The following ZEB1 variants were observed in gnomAD, a reference collection of about 807,000 sequenced individuals.
ZEB1 encodes the protein zinc finger E-box-binding homeobox 1.
Under a neutral mutation model 84.9 loss-of-function variants are expected in ZEB1, and 21 were observed. The ratio of observed to expected loss-of-function variants is 0.25; its 90% CI spans 0.18 to 0.36. The LOEUF (loss-of-function observed/expected upper bound fraction) is 0.36, where lower values mean the gene tolerates loss of function less well. Ranked by LOEUF, ZEB1 falls within the 10% of genes least tolerant of loss-of-function variation. The pLI is 1.00. For synonymous variants in ZEB1, 420 were observed against 471.1 expected, an observed-to-expected ratio of 0.89 and a Z score of 1.41; for missense variants, 1,104 against 1,330.2, an observed-to-expected ratio of 0.83 and a Z score of 2.65.
At chr10:31,471,343 G>A (rs1354253114) in intron 2 of ZEB1, among the ~76,000 whole-genome samples, 49 of 143,220 alleles carry the variant, frequency 3.4e-4, no homozygotes, top group African/African-American at 1.2e-3. Context: ...GACACACATA[G>A]GCTCAAAATA....
chr10:31,464,822 A>C (rs1239070239), intron 2 of ZEB1, among the ~76,000 whole-genome samples: 1 of 152,218 alleles, frequency 6.6e-6, no homozygotes. Flanking sequence ...TCCCAAAAAC[A>C]AAAGCTGAGG....
intron 2 of ZEB1, among the ~76,000 whole-genome samples, chr10:31,478,561 C>T (rs1307005975): frequency 1.3e-5 from 2 of 151,828 alleles, no homozygotes; most frequent in African/African-American, 4.8e-5. Flanking sequence ...GTATGTTTAT[C>T]GCAGAACTAC....
At chr10:31,335,541 T>A (rs1257707414) in intron 1 of ZEB1, among the ~76,000 whole-genome samples, 1 of 152,172 alleles carries the variant, frequency 6.6e-6, no homozygotes, top group African/African-American at 2.4e-5. Context: ...AGGAAAAGAA[T>A]CATGTGAGCA....
chr10:31,365,701 T>C (rs1392955245), intron 1 of ZEB1, among the ~76,000 whole-genome samples: 1 of 152,338 alleles, frequency 6.6e-6, no homozygotes, highest in East Asian at 1.9e-4. Flanking sequence ...AGAAGATCCA[T>C]ATGTGTAATA....
At chr10:31,412,157 CATATA>C (rs1163416380) in intron 1 of ZEB1, among the ~76,000 whole-genome samples, 1 of 152,130 alleles carries the variant, frequency 6.6e-6, no homozygotes, top group African/African-American at 2.4e-5. Context: ...CTTTTTTACA[CATATA>C]ATAGAGAACT....
At chr10:31,407,762 C>T (rs1479365917) in intron 1 of ZEB1, among the ~76,000 whole-genome samples, 2 of 151,110 alleles carry the variant, frequency 1.3e-5, no homozygotes. Context: ...TAAGAGCTAT[C>T]TATGACAAAC....
At chr10:31,389,070 C>T (rs758159368) in intron 1 of ZEB1, among the ~76,000 whole-genome samples, 3 of 152,002 alleles carry the variant, frequency 2.0e-5, no homozygotes, top group Non-Finnish European at 4.4e-5. Flanking sequence ...AACTCGTGTT[C>T]TAATTTCAGA....
chr10:31,468,170 C>T (rs1564987766), intron 2 of ZEB1, among the ~76,000 whole-genome samples: 1 of 152,194 alleles, frequency 6.6e-6, no homozygotes, highest in Non-Finnish European at 1.5e-5. Context: ...AGAGCCTGAT[C>T]ACGGGCTCAC....
At chr10:31,345,128 T>C (rs1269121426) in intron 1 of ZEB1, among the ~76,000 whole-genome samples, 1 of 152,092 alleles carries the variant, frequency 6.6e-6, no homozygotes, top group African/African-American at 2.4e-5. Context: ...AAGCCCAAAT[T>C]AGCATGTTGA....
chr10:31,397,415 A>G (rs2051014356), intron 1 of ZEB1, among the ~76,000 whole-genome samples: 1 of 152,002 alleles, frequency 6.6e-6, no homozygotes. Flanking sequence ...CTTTCAGTAA[A>G]AGGACAGCTC....
At chr10:31,459,830 A>AGT (rs3086581) in intron 1 of ZEB1, among the ~76,000 whole-genome samples, 5,258 of 129,782 alleles carry the variant, frequency 0.041, 111 homozygotes, top group Admixed American at 0.07. Flanking sequence ...TGTTCTCAGG[A>AGT]GTGTGTGTGT....
chr10:31,363,233 G>A, intron 1 of ZEB1: 1 of 1,533,984 alleles, frequency 6.5e-7, no homozygotes, highest in Non-Finnish European at 8.7e-7. Flanking sequence ...GCCTTCTCTG[G>A]CCACAGGGAG....
At chr10:31,345,944 G>A (rs1344756020) in intron 1 of ZEB1, among the ~76,000 whole-genome samples, 1 of 152,094 alleles carries the variant, frequency 6.6e-6, no homozygotes, top group Non-Finnish European at 1.5e-5. Context: ...GATTCTTAAA[G>A]TGGAAAGGGA....
At chr10:31,409,330 C>T (rs1456438814) in intron 1 of ZEB1, among the ~76,000 whole-genome samples, 2 of 152,054 alleles carry the variant, frequency 1.3e-5, no homozygotes, top group African/African-American at 4.8e-5. Flanking sequence ...TTGTGGAAGT[C>T]AGTGTGGCGA....
chr10:31,397,085 G>A (rs73260061), intron 1 of ZEB1, among the ~76,000 whole-genome samples: 2,275 of 146,730 alleles, frequency 0.016, 54 homozygotes, highest in African/African-American at 0.053. Flanking sequence ...GCATGATCTC[G>A]GCTCACTGCA....
rs767479492 is a variant in ZEB1, at chr10:31,520,237, G to A, written c.905G>A (p.Arg302Gln). The change falls in exon 7 of 9, where the codon CGA (arginine) becomes CAA (glutamine). Residue 302 changes from arginine (R) to glutamine (Q), a missense_variant. By Grantham distance (43) the Arg-to-Gln change is conservative (BLOSUM62 1). Around this residue, in one of 7 missense-constraint regions of ZEB1, gnomAD observed 111 missense variants for 161.8 expected, o/e 0.69. Coordinates refer to ENST00000424869, the MANE Select transcript of ZEB1 (RefSeq NM_001174096.2). This position sits in a 1 kb window ranked among gnomAD's most constrained non-coding sequence, Gnocchi z 5.1. ...ATCAGCTTGATACCTGTGAATGGGCGACCAAGAACAGGACTCAAGACATCT... is the reference window on the plus strand; with the variant it reads ...ATCAGCTTGATACCTGTGAATGGGCAACCAAGAACAGGACTCAAGACATCT... ...KCISLIPVNG[R>Q]PRTGLKTSQC... 8.7e-6 allele frequency: 14 copies of A among 1,613,736 alleles called. No homozygotes were observed. Among genetic ancestry groups the A allele is most frequent in the Admixed American group, 3.3e-5 (2 of 59,966 alleles).
Position 31,520,341 on chromosome 10 carries a change from C to A in ZEB1, c.1009C>A (p.Pro337Thr), listed in dbSNP as rs770841439. The A allele has an allele frequency of 1.9e-6, 3 of 1,613,918 alleles. No individual in the cohort carries two copies. The highest frequency in any genetic ancestry group is 1.1e-5 in the South Asian group (1 of 91,080). Reference sequence around the variant, plus strand: ...GATACGGCAAAAGATAGAGAATAAACCCCTTCAAGAACAACTTTCTGTTAA... The same window carrying A: ...GATACGGCAAAAGATAGAGAATAAAACCCTTCAAGAACAACTTTCTGTTAA... ...PQIRQKIENK[P>T]LQEQLSVNQI... is the part of the protein sequence containing the mutation. Residue 337 changes from proline (P) to threonine (T), a missense_variant, in exon 7 of 9, where the codon CCC becomes ACC. By Grantham distance (38) the Pro-to-Thr change is conservative (BLOSUM62 -1). Transcript: ENST00000424869. This position sits in a 1 kb window ranked among gnomAD's most constrained non-coding sequence, Gnocchi z 5.1.
At chr10:31,334,066 AG>A (rs2037440241) in intron 1 of ZEB1, among the ~76,000 whole-genome samples, 1 of 152,066 alleles carries the variant, frequency 6.6e-6, no homozygotes, top group South Asian at 2.1e-4. Flanking sequence ...CAGAAGAAAT[AG>A]GTAAATTTAT....
intron 2 of ZEB1, among the ~76,000 whole-genome samples, chr10:31,477,084 C>T (rs1334280166): frequency 6.6e-6 from 1 of 151,904 alleles, no homozygotes; most frequent in Non-Finnish European, 1.5e-5. Context: ...GAGAAAGAAA[C>T]AAAAGGCATC....
Sources: allele counts gnomAD v4.1 joint callset (sites outside exome capture counted in the v4.1 genomes callset), GRCh38; gene constraint gnomAD v4.1.1; regional missense constraint gnomAD v4.1.1; non-coding constraint Gnocchi (gnomAD v3.1); transcripts MANE v1.5; gene names NCBI Gene and HGNC (gene_info 2026-07-23, HGNC 2026-07-21).